PIEZO2: variants seen among roughly 807,000 people sequenced by gnomAD.
The protein encoded by PIEZO2 is piezo type mechanosensitive ion channel component 2.
PIEZO2 carries 172 observed loss-of-function variants against 337.3 expected under a neutral mutation model. The observed-to-expected ratio is 0.51, with a 90% CI of 0.45 to 0.58. PIEZO2 has a LOEUF of 0.58. Ranked by LOEUF, PIEZO2 falls within the 20% of genes least tolerant of loss-of-function variation. The probability of loss-of-function intolerance (pLI) is 0.00; values close to 1 mark genes in which losing one functional copy is unlikely to be tolerated. For missense variants in PIEZO2, 3,028 were observed against 3,391.3 expected (o/e 0.89, Z 2.66); for synonymous variants, 1,251 against 1,228.5 (o/e 1.02, Z -0.38).
rs2041382278 is a variant in PIEZO2 at position 10,846,900 on chromosome 18, G to T, written c.917+8453C>A. Among the ~76,000 whole-genome samples the T allele has an allele frequency of 1.3e-5, 2 of 152,106 alleles. No individual in the cohort carries two copies. The highest frequency in any genetic ancestry group is 1.3e-4 in the Admixed American group (2 of 15,266). ...GATAAGGCTAGAACTGTTGGAAATG[G>T]GGAAGTGAGTTTGAATAATAAAAAT... is the stretch of plus-strand genomic sequence containing the variant. On this transcript the variant is annotated intron_variant, in intron 7 of 55. Transcript: ENST00000674853. The surrounding 1 kb of genome is among the most constrained non-coding windows in gnomAD (Gnocchi z 4.1).
Position 10,767,949 on chromosome 18 carries a change from G to C in PIEZO2, c.2946+2199C>G, listed in dbSNP as rs1299640322. Among the ~76,000 whole-genome samples, 2 of 152,216 alleles carry C rather than the reference G, an allele frequency of 1.3e-5. No individual in the cohort carries two copies. The highest frequency in any genetic ancestry group is 4.8e-5 in the African/African-American group (2 of 41,468). On this transcript the variant is annotated intron_variant, in intron 21 of 55. Coordinates refer to ENST00000674853, the MANE Select transcript of PIEZO2 (RefSeq NM_001378183.1). This position sits in a 1 kb window ranked among gnomAD's most constrained non-coding sequence, Gnocchi z 4.2. ...CAGAGCGTGAGGCCATCATGGGATGGCACAGGCCAAGTCACAACATCCCCA... is the reference window on the plus strand; with the variant it reads ...CAGAGCGTGAGGCCATCATGGGATGCCACAGGCCAAGTCACAACATCCCCA...
At position 11,075,858 on chromosome 18, in the gene PIEZO2, C is replaced by G. The variant is rs182592430; in HGVS notation, c.65-9636G>C. Among the ~76,000 whole-genome samples, 256 of 150,392 alleles carry G rather than the reference C, an allele frequency of 1.7e-3. 1 individual carries two copies. The highest frequency in any genetic ancestry group is 2.4e-3 in the Non-Finnish European group (164 of 67,712). ...GGCTGGAGTGCAGTGGCGCGATCTCCGCTCACTGCAAGCTCTGCCTCCCAG... is the reference window on the plus strand; with the variant it reads ...GGCTGGAGTGCAGTGGCGCGATCTCGGCTCACTGCAAGCTCTGCCTCCCAG... On this transcript the variant is annotated intron_variant, in intron 1 of 55. Coordinates refer to ENST00000674853, the MANE Select transcript of PIEZO2 (RefSeq NM_001378183.1).
chr18:10,679,290 C>A (rs1267750415), intron 52 of PIEZO2, among the ~76,000 whole-genome samples: 1 of 152,126 alleles, frequency 6.6e-6, no homozygotes, highest in Admixed American at 6.6e-5. Flanking sequence ...TTGTAAAATT[C>A]CCCCAGACTG....
chr18:10,965,214 G>A (rs2033947917), intron 3 of PIEZO2, among the ~76,000 whole-genome samples: 1 of 152,136 alleles, frequency 6.6e-6, no homozygotes, highest in Non-Finnish European at 1.5e-5. Context: ...CCACCAAACT[G>A]CTTTCCACAC....
chr18:10,693,802 T>C (rs757412427), intron 47 of PIEZO2, among the ~76,000 whole-genome samples: 1 of 152,098 alleles, frequency 6.6e-6, no homozygotes, highest in Admixed American at 6.6e-5. Flanking sequence ...CAAAATTAGG[T>C]AATAGGCTTG....
At chr18:11,085,924 T>C (rs969959779) in intron 1 of PIEZO2, among the ~76,000 whole-genome samples, 2 of 151,342 alleles carry the variant, frequency 1.3e-5, no homozygotes, top group African/African-American at 4.9e-5. Context: ...ACCCTAATGG[T>C]ACATGTGGTC....
At chr18:11,000,295 T>C (rs933568106) in intron 2 of PIEZO2, among the ~76,000 whole-genome samples, 8 of 152,230 alleles carry the variant, frequency 5.3e-5, no homozygotes, top group African/African-American at 1.9e-4. Context: ...CAATTTTCTA[T>C]TTCCAATTTT....
chr18:11,119,416 G>A (rs1042664851), intron 1 of PIEZO2, among the ~76,000 whole-genome samples: 4 of 152,168 alleles, frequency 2.6e-5, no homozygotes, highest in African/African-American at 9.7e-5. Flanking sequence ...GGGATAATAG[G>A]CGTGAGCCAC....
rs1381069279 is a variant in PIEZO2, at chr18:11,038,892, A to G, written c.160+27235T>C. On this transcript the variant is annotated intron_variant, in intron 2 of 55. Transcript: ENST00000674853. The surrounding 1 kb of genome is among the most constrained non-coding windows in gnomAD (Gnocchi z 4.1). ...CCAATGTTTCCAACCTCTTTAAGAT[A>G]AAAAAGAAGACAGTAAGAATCATGA... Among the ~76,000 whole-genome samples, 1 of 152,222 alleles carries G rather than the reference A, an allele frequency of 6.6e-6. No individual in the cohort carries two copies. The highest frequency in any genetic ancestry group is 1.5e-5 in the Non-Finnish European group (1 of 68,034).
chr18:10,898,236 A>G (rs142416293), intron 4 of PIEZO2, among the ~76,000 whole-genome samples: 1 of 152,284 alleles, frequency 6.6e-6, no homozygotes, highest in Non-Finnish European at 1.5e-5. Context: ...CCTGGCTAAC[A>G]TGATGAAACC....
intron 3 of PIEZO2, among the ~76,000 whole-genome samples, chr18:10,936,156 C>A (rs1319887354): frequency 6.6e-6 from 1 of 152,186 alleles, no homozygotes; most frequent in Non-Finnish European, 1.5e-5. Context: ...GCCTTCCCAG[C>A]AGTTTCTAGA....
intron 3 of PIEZO2, among the ~76,000 whole-genome samples, chr18:10,918,959 A>G (rs1044137742): frequency 6.6e-6 from 1 of 152,046 alleles, no homozygotes; most frequent in African/African-American, 2.4e-5. Context: ...GCAAATTCCT[A>G]GGAGTATAAT....
intron 2 of PIEZO2, among the ~76,000 whole-genome samples, chr18:11,010,724 T>C (rs1351624988): frequency 6.6e-6 from 1 of 152,154 alleles, no homozygotes; most frequent in Middle Eastern, 3.2e-3. Context: ...CATTAAATAA[T>C]AAAAGAATCC....
rs556859748 is a variant in PIEZO2, at chr18:11,007,643, G to A, written c.161-27983C>T. Among the ~76,000 whole-genome samples, 66 of 152,126 alleles carry A rather than the reference G, an allele frequency of 4.3e-4. 1 individual carries two copies. Among genetic ancestry groups the A allele is most frequent in the Non-Finnish European group, 8.4e-4 (57 of 68,020 alleles). On this transcript the variant is annotated intron_variant, in intron 2 of 55. Coordinates refer to ENST00000674853, the MANE Select transcript of PIEZO2 (RefSeq NM_001378183.1). ...CAGAGAAAAAGAATACATTAAGTAA[G>A]GGAGGACAATGAAAAGAATTGATGA...
At chr18:10,880,029 C>A (rs1002501699) in intron 4 of PIEZO2, among the ~76,000 whole-genome samples, 1 of 152,140 alleles carries the variant, frequency 6.6e-6, no homozygotes, top group Non-Finnish European at 1.5e-5. Context: ...GAGAGGGATA[C>A]AATTAACGGT....
chr18:11,096,134 C>T lies in PIEZO2; in HGVS notation c.65-29912G>A, dbSNP rs999888050. Among the ~76,000 whole-genome samples the T allele has an allele frequency of 6.6e-6, 1 of 152,198 alleles. No homozygotes were observed. Among genetic ancestry groups the T allele is most frequent in the Non-Finnish European group, 1.5e-5 (1 of 68,030 alleles). On this transcript the variant is annotated intron_variant, in intron 1 of 55. Transcript: ENST00000674853. This position sits in a 1 kb window ranked among gnomAD's most constrained non-coding sequence, Gnocchi z 4.6. ...TTCTCTAAGCCGGTCCACATGGAGCCCTCACTCTGTTGCCCAAGGTGGCTG... is the reference window on the plus strand; with the variant it reads ...TTCTCTAAGCCGGTCCACATGGAGCTCTCACTCTGTTGCCCAAGGTGGCTG...
At chr18:11,056,472 A>T (rs2145874554) in intron 2 of PIEZO2, among the ~76,000 whole-genome samples, 1 of 152,318 alleles carries the variant, frequency 6.6e-6, no homozygotes, top group African/African-American at 2.4e-5. Context: ...AGAATTCTTG[A>T]TTTGCTATTT....
intron 3 of PIEZO2, among the ~76,000 whole-genome samples, chr18:10,960,016 C>A (rs1261311225): frequency 6.6e-6 from 1 of 152,084 alleles, no homozygotes; most frequent in Non-Finnish European, 1.5e-5. Flanking sequence ...AGACGTTCAT[C>A]TTTTTATATT....
At position 10,855,553 on chromosome 18, in the gene PIEZO2, C is replaced by A. The variant is rs8085615; in HGVS notation, c.717G>T (p.Pro239=). 6.5e-7 allele frequency: 1 copy of A among 1,536,254 alleles called. No homozygotes were observed. Among genetic ancestry groups the A allele is most frequent in the Non-Finnish European group, 8.7e-7 (1 of 1,146,534 alleles). ...ILLGSSGMML[P]SLTSSVYFFV... is the part of the protein sequence containing the mutation. ...AAAAATACACAGATGATGTCAAAGA[C>A]GGCAACATCATGCCTAAGGAAGAGA... Residue 239 remains proline (P), a synonymous_variant, in exon 7 of 56, where the codon CCG becomes CCT. Coordinates refer to ENST00000674853, the MANE Select transcript of PIEZO2 (RefSeq NM_001378183.1). This position sits in a 1 kb window ranked among gnomAD's most constrained non-coding sequence, Gnocchi z 4.9.
Sources: allele counts gnomAD v4.1 joint callset (sites outside exome capture counted in the v4.1 genomes callset), GRCh38; gene constraint gnomAD v4.1.1; non-coding constraint Gnocchi (gnomAD v3.1); transcripts MANE v1.5; gene names NCBI Gene and HGNC (gene_info 2026-07-23, HGNC 2026-07-21).